GRIK2: variants seen among roughly 807,000 people sequenced by gnomAD.
GRIK2 encodes glutamate ionotropic receptor kainate type subunit 2, also known as glutamate receptor ionotropic, kainate 2.
GRIK2 carries 32 observed loss-of-function variants against 100.3 expected under a neutral mutation model. The ratio of observed to expected loss-of-function variants is 0.32; its 90% CI spans 0.24 to 0.43. GRIK2 has a LOEUF of 0.43. Ranked by LOEUF, GRIK2 falls within the 20% of genes least tolerant of loss-of-function variation. GRIK2 has a pLI of 1.00. For synonymous variants in GRIK2, 417 were observed against 389.4 expected (o/e 1.07, Z -0.83); for missense variants, 843 against 1,114.9 (o/e 0.76, Z 3.47).
intron 2 of GRIK2, among the ~76,000 whole-genome samples, chr6:101,617,085 T>C (rs1291160374): frequency 6.6e-6 from 1 of 151,786 alleles, no homozygotes; most frequent in Non-Finnish European, 1.5e-5. Context: ...CATTTAGTAA[T>C]ATTGCCTTTA....
At chr6:101,598,838 G>A (rs1444305966) in intron 2 of GRIK2, among the ~76,000 whole-genome samples, 1 of 151,390 alleles carries the variant, frequency 6.6e-6, no homozygotes, top group African/African-American at 2.4e-5. Flanking sequence ...CTTTCCTGTG[G>A]AAAGTGATCA....
intron 15 of GRIK2, among the ~76,000 whole-genome samples, chr6:102,036,865 A>C (rs1460657646): frequency 6.6e-6 from 1 of 151,364 alleles, no homozygotes; most frequent in East Asian, 2.0e-4. Flanking sequence ...TTTTAATTAC[A>C]TCAATGTACT....
chr6:101,600,104 T>G (rs1779133226), intron 2 of GRIK2, among the ~76,000 whole-genome samples: 1 of 151,826 alleles, frequency 6.6e-6, no homozygotes, highest in African/African-American at 2.4e-5. Flanking sequence ...GAATCTAGTT[T>G]TATTCTTCAT....
intron 2 of GRIK2, among the ~76,000 whole-genome samples, chr6:101,464,497 CTTTTTTTTTTTTTTTTTTTTT>C (rs71028069): frequency 0.013 from 810 of 62,054 alleles, 15 homozygotes; most frequent in African/African-American, 0.047. Flanking sequence ...CTTTTTCTTT[CTTTTTTTTTTTTTTTTTTTTT>C]TTTTTTTTTT....
At position 101,856,123 on chromosome 6, in the gene GRIK2, A is replaced by G. The variant is rs112046042; in HGVS notation, c.1318-3164A>G. On this transcript the variant is annotated intron_variant, in intron 10 of 16. Transcript: ENST00000369134. ...AATGATGTTGAATGTTATTCTAAAC[A>G]CATTGGGAATCTATGTGATGATTTC... Among the ~76,000 whole-genome samples, 295 of 152,330 alleles carry G rather than the reference A, an allele frequency of 1.9e-3. 3 individuals carry two copies. Among genetic ancestry groups the G allele is most frequent in the African/African-American group, 6.6e-3 (275 of 41,586 alleles).
intron 7 of GRIK2, among the ~76,000 whole-genome samples, chr6:101,774,114 T>C (rs1040040780): frequency 6.6e-6 from 1 of 152,202 alleles, no homozygotes; most frequent in Admixed American, 6.5e-5. Context: ...TCAGTTTTTA[T>C]TGGCATTTGG....
At chr6:101,910,562 A>G (rs901688640) in intron 12 of GRIK2, among the ~76,000 whole-genome samples, 3 of 151,338 alleles carry the variant, frequency 2.0e-5, no homozygotes, top group Non-Finnish European at 4.4e-5. Flanking sequence ...TGGTAAATAC[A>G]TAGTACTTAT....
chr6:101,961,492 G>A (rs532209718), intron 14 of GRIK2, among the ~76,000 whole-genome samples: 4 of 152,246 alleles, frequency 2.6e-5, no homozygotes, highest in Admixed American at 6.5e-5. Flanking sequence ...AGCTGCATCC[G>A]CAGCTGTGGG....
intron 2 of GRIK2, among the ~76,000 whole-genome samples, chr6:101,587,669 A>C (rs1210391659): frequency 6.6e-6 from 1 of 152,178 alleles, no homozygotes; most frequent in Non-Finnish European, 1.5e-5. Flanking sequence ...TAGTTGAACA[A>C]CAGGTATTAG....
chr6:101,576,037 T>A (rs928434864), intron 2 of GRIK2, among the ~76,000 whole-genome samples: 24 of 152,170 alleles, frequency 1.6e-4, no homozygotes, highest in Admixed American at 5.2e-4. Flanking sequence ...ATAGGGCATA[T>A]GATATAATAA....
intron 2 of GRIK2, among the ~76,000 whole-genome samples, chr6:101,485,184 A>G (rs936217136): frequency 6.6e-6 from 1 of 152,186 alleles, no homozygotes; most frequent in Non-Finnish European, 1.5e-5. Context: ...TTAGAATAAT[A>G]TATTGTGCAG....
In GRIK2 at chr6:101,493,310, C is replaced by A. The variant is rs573368439; in HGVS notation, c.115+93918C>A. ...AAAAAGAAATTCCCTAAACACATTA[C>A]AATGAAACTGCACGGTATCAAGAAG... On this transcript the variant is annotated intron_variant, in intron 2 of 16. Transcript: ENST00000369134. 6.6e-5 allele frequency among the ~76,000 whole-genome samples: 10 copies of A among 151,912 alleles called. No homozygotes were observed. The South Asian group carries it at 2.1e-3, about 32-fold the overall frequency.
At chr6:102,040,409 CT>C (rs1434711023) in intron 15 of GRIK2, among the ~76,000 whole-genome samples, 2 of 151,386 alleles carry the variant, frequency 1.3e-5, no homozygotes, top group Admixed American at 6.6e-5. Context: ...CCTCAAGTAA[CT>C]TTTATCAAAT....
intron 9 of GRIK2, among the ~76,000 whole-genome samples, 156 bp from the exon 10 acceptor site, chr6:101,818,214 C>T (rs1248283072): frequency 1.3e-5 from 2 of 152,148 alleles, no homozygotes; most frequent in Admixed American, 6.6e-5. Context: ...TTCACAGAGC[C>T]GTGAATCATG....
Position 101,804,816 on chromosome 6 carries a change from A to G in GRIK2, c.1203+2378A>G, listed in dbSNP as rs535611299. Among the ~76,000 whole-genome samples, 9 of 152,098 alleles carry G rather than the reference A, an allele frequency of 5.9e-5. No homozygotes were observed. In the East Asian group the frequency reaches 1.6e-3, roughly 26 times the overall value. On this transcript the variant is annotated intron_variant, in intron 9 of 16. Coordinates refer to ENST00000369134, the MANE Select transcript of GRIK2 (RefSeq NM_021956.5). ...AAATTTGTACATGAACTCATCAGCT[A>G]AAGGACAGCGGTAAAGTTTAGTCGG...
chr6:101,737,800 T>G (rs945327148), intron 7 of GRIK2, among the ~76,000 whole-genome samples: 3 of 152,236 alleles, frequency 2.0e-5, no homozygotes, highest in Non-Finnish European at 4.4e-5. Context: ...AGTGATTTTT[T>G]ATAGGCTTTT....
intron 2 of GRIK2, among the ~76,000 whole-genome samples, chr6:101,531,178 C>A (rs559747367): frequency 2.0e-5 from 3 of 151,926 alleles, no homozygotes; most frequent in Non-Finnish European, 4.4e-5. Context: ...AAATACGGAT[C>A]AAGAGCTCTG....
intron 14 of GRIK2, among the ~76,000 whole-genome samples, chr6:102,026,210 TTTGA>T (rs566727804): frequency 4.1e-5 from 6 of 147,164 alleles, no homozygotes; most frequent in Admixed American, 2.0e-4. Flanking sequence ...GTGTTTCTCT[TTTGA>T]TTGATTATGT....
At chr6:101,546,710 T>C (rs1313396351) in intron 2 of GRIK2, among the ~76,000 whole-genome samples, 1 of 152,068 alleles carries the variant, frequency 6.6e-6, no homozygotes, top group Non-Finnish European at 1.5e-5. Flanking sequence ...AATATTGTTC[T>C]ATAATATTAT....
Sources: gnomAD v4.1 joint callset for allele counts (sites outside exome capture counted in the v4.1 genomes callset) on GRCh38, gnomAD v4.1.1 for gene constraint, MANE v1.5 for transcripts, NCBI Gene and HGNC (gene_info 2026-07-23, HGNC 2026-07-21) for gene names.